The following TMCC1 variants were observed in gnomAD, a reference collection of about 807,000 sequenced individuals.
The protein encoded by TMCC1 is transmembrane and coiled-coil domains protein 1.
Under a neutral mutation model 52.4 loss-of-function variants are expected in TMCC1, and 15 were observed. That is an observed-to-expected ratio of 0.29 (90% confidence interval 0.19 to 0.44). The LOEUF (loss-of-function observed/expected upper bound fraction) is 0.44, where lower values mean the gene tolerates loss of function less well. Ranked by LOEUF, TMCC1 falls within the 20% of genes least tolerant of loss-of-function variation. TMCC1 has a pLI of 1.00. For missense variants in TMCC1, 503 were observed against 806.0 expected, an observed-to-expected ratio of 0.62 and a Z score of 4.55; for synonymous variants, 279 against 301.9, an observed-to-expected ratio of 0.92 and a Z score of 0.79.
At chr3:129,686,419 G>T (rs1343847026) in intron 4 of TMCC1, among the ~76,000 whole-genome samples, 1 of 152,102 alleles carries the variant, frequency 6.6e-6, no homozygotes, top group Non-Finnish European at 1.5e-5. Context: ...TCATTTTACA[G>T]TATGTTTCCT....
intron 2 of TMCC1, among the ~76,000 whole-genome samples, chr3:129,842,549 A>G (rs2059469145): frequency 6.6e-6 from 1 of 152,074 alleles, no homozygotes; most frequent in South Asian, 2.1e-4. Flanking sequence ...ACTATCACCT[A>G]ATTTGACCTG....
At chr3:129,877,963 T>A (rs533939294) in intron 2 of TMCC1, among the ~76,000 whole-genome samples, 1 of 149,516 alleles carries the variant, frequency 6.7e-6, no homozygotes, top group South Asian at 2.1e-4. Context: ...ATTTTTATTT[T>A]TATTTTTTTT....
intron 4 of TMCC1, among the ~76,000 whole-genome samples, chr3:129,716,232 G>C (rs1399056422): frequency 6.9e-6 from 1 of 144,308 alleles, no homozygotes; most frequent in African/African-American, 2.5e-5. Context: ...GCACAATCTC[G>C]GCTAACTGTA....
At chr3:129,841,097 C>T (rs1050296671) in intron 2 of TMCC1, among the ~76,000 whole-genome samples, 12 of 152,148 alleles carry the variant, frequency 7.9e-5, no homozygotes, top group African/African-American at 2.9e-4. Flanking sequence ...TGAAGTGGCC[C>T]AAGATGGAGA....
chr3:129,685,100 T>C (rs1463075809), intron 4 of TMCC1, among the ~76,000 whole-genome samples: 3 of 152,078 alleles, frequency 2.0e-5, no homozygotes, highest in African/African-American at 7.2e-5. Context: ...AGGGGCTAGC[T>C]GGGTGCAGTG....
chr3:129,654,970 G>C lies in TMCC1; in HGVS notation c.1645C>G (p.Gln549Glu), dbSNP rs1414313935. Residue 549 changes from glutamine to glutamate, a missense_variant and splice_region_variant, in exon 6 of 7, where the codon CAG becomes GAG. Physicochemically the swap from Gln to Glu is conservative, Grantham distance 29. Coordinates refer to ENST00000393238, the MANE Select transcript of TMCC1 (RefSeq NM_001017395.5). The stretch of plus-strand genomic sequence containing the variant: ...TACACCTTTTCCTTCATACTAACCT[G>C]GATGTCCCGGGCCCGTTCATAGGAC... ...YQSYERARDI[Q>E]EALEACQTRI... The C allele has an allele frequency of 6.2e-7, 1 of 1,613,652 alleles. No individual in the cohort carries two copies. Among genetic ancestry groups the C allele is most frequent in the East Asian group, 2.2e-5 (1 of 44,872 alleles).
rs759420997 is a variant in TMCC1 at position 129,827,836 on chromosome 3, TGCA to T, written c.540_542del (p.Ala181del). 1.9e-4 allele frequency: 304 copies of T among 1,582,238 alleles called. 1 individual carries two copies. The Admixed American group carries it at 2.9e-3, about 15-fold the overall frequency. On this transcript the variant is annotated inframe_deletion, in exon 4 of 7. Transcript: ENST00000393238. ...CAGTTCCCTCCTCTCCTGGTAGACA[TGCA>T]GCAGCAGCAGCAGCAGCAGCACAAG...
chr3:129,773,751 C>T (rs996406771), intron 4 of TMCC1, among the ~76,000 whole-genome samples: 15 of 152,192 alleles, frequency 9.9e-5, no homozygotes, highest in Admixed American at 2.0e-4. Flanking sequence ...TTGAGACCAG[C>T]CAGGGCAATA....
At chr3:129,788,104 T>C (rs1263376718) in intron 4 of TMCC1, among the ~76,000 whole-genome samples, 1 of 152,222 alleles carries the variant, frequency 6.6e-6, no homozygotes, top group Non-Finnish European at 1.5e-5. Flanking sequence ...TATATGTGCA[T>C]ATATTCTAAA....
chr3:129,800,610 T>A (rs1417460347), intron 4 of TMCC1, among the ~76,000 whole-genome samples: 1 of 151,894 alleles, frequency 6.6e-6, no homozygotes, highest in Middle Eastern at 3.4e-3. Context: ...AAGCTATTTT[T>A]AAAATCTCTT....
intron 5 of TMCC1, among the ~76,000 whole-genome samples, chr3:129,669,053 G>T (rs886945674): frequency 2.0e-5 from 3 of 152,220 alleles, no homozygotes; most frequent in Middle Eastern, 3.2e-3. Context: ...TAGAATTGAA[G>T]AACAGAAGAG....
intron 2 of TMCC1, among the ~76,000 whole-genome samples, chr3:129,854,802 A>G (rs973535045): frequency 4.6e-5 from 7 of 152,198 alleles, no homozygotes; most frequent in African/African-American, 1.7e-4. Context: ...GTGTTACCCA[A>G]TACCTACTCT....
At chr3:129,717,948 T>C (rs961343446) in intron 4 of TMCC1, among the ~76,000 whole-genome samples, 1 of 152,222 alleles carries the variant, frequency 6.6e-6, no homozygotes, top group Non-Finnish European at 1.5e-5. Context: ...AAATACATAG[T>C]TGACCCTTGA....
chr3:129,871,816 G>C (rs1023342955), intron 2 of TMCC1, among the ~76,000 whole-genome samples: 2 of 152,180 alleles, frequency 1.3e-5, no homozygotes, highest in Non-Finnish European at 2.9e-5. Flanking sequence ...TGGACAGCCA[G>C]CTCACAAAAA....
chr3:129,775,306 A>G (rs1175424219), intron 4 of TMCC1, among the ~76,000 whole-genome samples: 1 of 151,914 alleles, frequency 6.6e-6, no homozygotes, highest in East Asian at 1.9e-4. Flanking sequence ...AACAACAAAA[A>G]TGTTTTAATT....
At chr3:129,811,056 A>G (rs1361566786) in intron 4 of TMCC1, among the ~76,000 whole-genome samples, 2 of 152,216 alleles carry the variant, frequency 1.3e-5, no homozygotes, top group Admixed American at 1.3e-4. Context: ...ATAAACCAAG[A>G]GTATGCTCCC....
At chr3:129,777,467 C>T (rs537247755) in intron 4 of TMCC1, among the ~76,000 whole-genome samples, 37 of 152,242 alleles carry the variant, frequency 2.4e-4, no homozygotes, top group African/African-American at 8.2e-4. Context: ...TTCCAAGATT[C>T]CAGTTTGATT....
intron 4 of TMCC1, among the ~76,000 whole-genome samples, chr3:129,761,588 T>C (rs981986662): frequency 2.0e-5 from 3 of 152,196 alleles, no homozygotes; most frequent in Admixed American, 1.3e-4. Flanking sequence ...TCAGCCCTAA[T>C]GTACCTTGAG....
At chr3:129,771,909 G>C (rs977792996) in intron 4 of TMCC1, among the ~76,000 whole-genome samples, 2 of 152,032 alleles carry the variant, frequency 1.3e-5, no homozygotes, top group Non-Finnish European at 2.9e-5. Flanking sequence ...TGTCTTGTCG[G>C]AAGTGATGTT....
Sources: allele counts gnomAD v4.1 joint callset (sites outside exome capture counted in the v4.1 genomes callset), GRCh38; gene constraint gnomAD v4.1.1; transcripts MANE v1.5; gene names NCBI Gene and HGNC (gene_info 2026-07-23, HGNC 2026-07-21).